The following GSG1L variants were observed in gnomAD, a reference collection of about 807,000 sequenced individuals.
GSG1L encodes GSG1 like.
A neutral mutation model predicts 42.1 loss-of-function variants in GSG1L; 24 were observed. The ratio of observed to expected loss-of-function variants is 0.57; its 90% CI spans 0.41 to 0.80. GSG1L has a LOEUF of 0.80. Ranked by LOEUF, GSG1L falls within the 30% of genes least tolerant of loss-of-function variation. The pLI is 0.00. For synonymous variants in GSG1L, 215 were observed against 203.5 expected, an observed-to-expected ratio of 1.06 and a Z score of -0.48; for missense variants, 445 against 472.2, an observed-to-expected ratio of 0.94 and a Z score of 0.53.
chr16:27,977,343 G>A (rs1027102057), intron 1 of GSG1L, among the ~76,000 whole-genome samples: 1 of 152,132 alleles, frequency 6.6e-6, no homozygotes, highest in South Asian at 2.1e-4. Flanking sequence ...CACTTTGGGA[G>A]GCCAAGGCAG....
Position 27,813,751 on chromosome 16 carries a change from C to T in GSG1L, c.831-6197G>A, listed in dbSNP as rs116837050. Among the ~76,000 whole-genome samples the T allele has an allele frequency of 3.4e-3, 515 of 152,322 alleles. 4 individuals carry two copies. The highest frequency in any genetic ancestry group is 0.011 in the African/African-American group (473 of 41,574). ...AGTGGTTCTGGTCAAGGGCTGAGTGCCCCCAATGGCGGGGCTCCCTGGCAG... is the reference window on the plus strand; with the variant it reads ...AGTGGTTCTGGTCAAGGGCTGAGTGTCCCCAATGGCGGGGCTCCCTGGCAG... On this transcript the variant is annotated intron_variant, in intron 5 of 6. Transcript: ENST00000447459.
Position 27,789,692 on chromosome 16 carries a change from A to ATGGATGGG in GSG1L, c.*1677_*1678insCCCATCCA, listed in dbSNP as rs1479327033. On this transcript the variant is annotated 3_prime_UTR_variant, in exon 7 of 7. Coordinates refer to ENST00000447459, the MANE Select transcript of GSG1L (RefSeq NM_001109763.2). ...AGCATAGACAATGAATGGATAGATG[A>ATGGATGGG]TGGATGGATGGATGGATGGATGGAT... The ATGGATGGG allele has an allele frequency of 7.2e-6, 1 of 139,184 alleles. No homozygotes were observed. Among genetic ancestry groups the ATGGATGGG allele is most frequent in the African/African-American group, 2.7e-5 (1 of 36,382 alleles). 8.6% of individuals were successfully genotyped at this position (139,184 alleles called of 1,614,324 possible).
At chr16:27,865,566 T>TATACACAC (rs1555504851) in intron 3 of GSG1L, among the ~76,000 whole-genome samples, 9 of 19,148 alleles carry the variant, frequency 4.7e-4, no homozygotes, top group African/African-American at 3.9e-3. Context: ...TATATATATA[T>TATACACAC]ATATATACAC....
intron 2 of GSG1L, among the ~76,000 whole-genome samples, chr16:27,895,742 C>T (rs945140905): frequency 1.3e-5 from 2 of 152,202 alleles, no homozygotes; most frequent in African/African-American, 2.4e-5. Context: ...AAGGTCACGA[C>T]GCTCACTCGG....
chr16:28,034,272 CCCATT>C (rs2086006607), intron 1 of GSG1L, among the ~76,000 whole-genome samples: 1 of 136,540 alleles, frequency 7.3e-6, no homozygotes, highest in South Asian at 2.7e-4. Flanking sequence ...CCCATCCCAT[CCCATT>C]CCATCCCAAC....
chr16:27,946,986 C>A (rs61463205), intron 2 of GSG1L, among the ~76,000 whole-genome samples: 34,472 of 152,102 alleles, frequency 0.23, 4,097 homozygotes, highest in Non-Finnish European at 0.26. Context: ...CAGATGAAGA[C>A]ATGAAGTCAC....
intron 6 of GSG1L, 49 bp from the exon 7 acceptor site, chr16:27,791,516 A>G: frequency 7.7e-7 from 1 of 1,304,132 alleles, no homozygotes; most frequent in Non-Finnish European, 1.0e-6. Flanking sequence ...TCCTCCACCC[A>G]CATCCTGTCT....
chr16:28,001,916 A>G (rs1596689466), intron 1 of GSG1L, among the ~76,000 whole-genome samples: 1 of 152,326 alleles, frequency 6.6e-6, no homozygotes, highest in Non-Finnish European at 1.5e-5. Flanking sequence ...CAGCCTATGT[A>G]TAGGCAAGAA....
At chr16:27,918,099 C>T (rs11865469) in intron 2 of GSG1L, among the ~76,000 whole-genome samples, 2,476 of 152,288 alleles carry the variant, frequency 0.016, 65 homozygotes, top group African/African-American at 0.057. Context: ...CTGGGCACAG[C>T]TCTCTTCCCC....
At chr16:27,908,456 A>G (rs2084345421) in intron 2 of GSG1L, among the ~76,000 whole-genome samples, 1 of 152,204 alleles carries the variant, frequency 6.6e-6, no homozygotes, top group African/African-American at 2.4e-5. Context: ...GTACTCTTCC[A>G]TCTGCCCGTC....
intron 3 of GSG1L, among the ~76,000 whole-genome samples, chr16:27,878,423 C>T (rs756065520): frequency 1.1e-4 from 16 of 152,282 alleles, no homozygotes; most frequent in Non-Finnish European, 4.4e-5. Flanking sequence ...CTCTTGAGAA[C>T]TCACTCACTA....
At chr16:27,795,693 C>G (rs893330234) in intron 6 of GSG1L, among the ~76,000 whole-genome samples, 2 of 152,196 alleles carry the variant, frequency 1.3e-5, no homozygotes, top group Non-Finnish European at 2.9e-5. Flanking sequence ...GTAGCAGGTA[C>G]TGTGGTTTCC....
At chr16:27,976,178 G>C (rs1364820278) in intron 1 of GSG1L, among the ~76,000 whole-genome samples, 3 of 152,174 alleles carry the variant, frequency 2.0e-5, no homozygotes, top group African/African-American at 7.2e-5. Flanking sequence ...AGGAGGCTGA[G>C]GCAGGAGAAT....
chr16:27,849,973 A>AGAAGTTTGG (rs2083489885), intron 3 of GSG1L, among the ~76,000 whole-genome samples: 1 of 147,976 alleles, frequency 6.8e-6, no homozygotes. Context: ...GAAGGGAGGA[A>AGAAGTTTGG]GAAGTTTGGG....
intron 3 of GSG1L, among the ~76,000 whole-genome samples, chr16:27,848,918 T>A (rs186393903): frequency 9.2e-4 from 140 of 151,956 alleles, no homozygotes; most frequent in Admixed American, 2.0e-3. Flanking sequence ...AGGATGGGCC[T>A]GGTGCGGTGG....
At chr16:28,055,199 G>A (rs192502224) in intron 1 of GSG1L, among the ~76,000 whole-genome samples, 55 of 152,016 alleles carry the variant, frequency 3.6e-4, no homozygotes, top group African/African-American at 1.0e-3. Context: ...TCTGTTGCCC[G>A]GGCTGGAGCA....
Position 28,063,493 on chromosome 16 carries a change from C to T in GSG1L, c.-69G>A. The T allele has an allele frequency of 9.9e-7, 1 of 1,011,200 alleles. No homozygotes were observed. The allele number at this position is 1,011,200 out of a possible 1,614,324, so 62.6% of individuals were successfully genotyped here. On this transcript the variant is annotated 5_prime_UTR_variant, in exon 1 of 7. Transcript: ENST00000447459. This position sits in a 1 kb window ranked among gnomAD's most constrained non-coding sequence, Gnocchi z 5.8. ...CGCGCGCGAAGTTGGCAGCTGGCGC[C>T]CCGCGTCAGCGGCCGCTGCCCGCCG...
chr16:27,888,004 C>T, intron 2 of GSG1L: 1 of 687,136 alleles, frequency 1.5e-6, no homozygotes, highest in Non-Finnish European at 1.8e-6. Context: ...GAGCGCTGAG[C>T]CTGCAGGAGG....
chr16:27,811,012 T>C (rs2083024939), intron 5 of GSG1L, among the ~76,000 whole-genome samples: 1 of 152,154 alleles, frequency 6.6e-6, no homozygotes, highest in Non-Finnish European at 1.5e-5. Context: ...AATAAAAACA[T>C]CTTGGCTATT....
Sources: allele counts gnomAD v4.1 joint callset (sites outside exome capture counted in the v4.1 genomes callset), GRCh38; gene constraint gnomAD v4.1.1; non-coding constraint Gnocchi (gnomAD v3.1); transcripts MANE v1.5; gene names NCBI Gene and HGNC (gene_info 2026-07-23, HGNC 2026-07-21).